Variants in LRRC69 observed in about 807,000 individuals in gnomAD.
LRRC69 encodes the protein leucine rich repeat containing 69.
Under a neutral mutation model 37.8 loss-of-function variants are expected in LRRC69, and 42 were observed. That is an observed-to-expected ratio of 1.11 (90% CI 0.87 to 1.44). LRRC69 has a LOEUF of 1.44. LRRC69 is among the 40% of genes most tolerant of loss of function. LRRC69 has a pLI of 0.00. For synonymous variants in LRRC69, 141 were observed against 143.1 expected, an observed-to-expected ratio of 0.99 and a Z score of 0.11; for missense variants, 357 against 401.9, an observed-to-expected ratio of 0.89 and a Z score of 0.96.
At chr8:91,171,267 C>T (rs969028657) in intron 5 of LRRC69, among the ~76,000 whole-genome samples, 2 of 148,686 alleles carry the variant, frequency 1.3e-5, no homozygotes, top group Non-Finnish European at 3.0e-5. Context: ...CTCTAATAAC[C>T]TCCTCTTACC....
intron 1 of LRRC69, among the ~76,000 whole-genome samples, chr8:91,105,244 G>T (rs1461296297): frequency 1.3e-5 from 2 of 151,378 alleles, no homozygotes; most frequent in African/African-American, 2.4e-5. Flanking sequence ...AGAAATTGTG[G>T]AATTTTGGAA....
intron 5 of LRRC69, among the ~76,000 whole-genome samples, chr8:91,173,026 C>T (rs1809161176): frequency 6.6e-6 from 1 of 151,974 alleles, no homozygotes; most frequent in African/African-American, 2.4e-5. Flanking sequence ...AAGTATAATG[C>T]ATTCTGATTC....
intron 7 of LRRC69, among the ~76,000 whole-genome samples, chr8:91,216,931 C>G (rs1457451696): frequency 6.6e-6 from 1 of 152,072 alleles, no homozygotes; most frequent in Non-Finnish European, 1.5e-5. Flanking sequence ...ATAGTTCACC[C>G]TCCCCGAAAT....
intron 5 of LRRC69, among the ~76,000 whole-genome samples, chr8:91,164,852 A>T (rs1809001458): frequency 6.6e-6 from 1 of 151,672 alleles, no homozygotes; most frequent in South Asian, 2.1e-4. Flanking sequence ...TAAACATATT[A>T]TGCCTGATTA....
chr8:91,195,143 G>A (rs1257263005), intron 6 of LRRC69, among the ~76,000 whole-genome samples: 4 of 152,140 alleles, frequency 2.6e-5, no homozygotes, highest in Admixed American at 2.6e-4. Context: ...TTTCCATGTA[G>A]TTGAGCGGTT....
At chr8:91,102,889 A>G (rs1813245725) in intron 1 of LRRC69, 45 bp downstream of exon 1, 3 of 1,493,374 alleles carry the variant, frequency 2.0e-6, no homozygotes, top group South Asian at 1.3e-5. Flanking sequence ...TTGAAGATGG[A>G]AAACAGGAAG....
chr8:91,157,978 A>G, intron 5 of LRRC69: 2 of 1,382,586 alleles, frequency 1.4e-6, no homozygotes, highest in Non-Finnish European at 2.1e-6. Flanking sequence ...AAGCTGAAGA[A>G]GAACATCTGG....
intron 2 of LRRC69, among the ~76,000 whole-genome samples, chr8:91,126,135 A>C (rs892522418): frequency 2.6e-5 from 4 of 151,988 alleles, no homozygotes; most frequent in African/African-American, 9.7e-5. Flanking sequence ...CAGGGAGTTT[A>C]ATGCTGCCCA....
intron 6 of LRRC69, among the ~76,000 whole-genome samples, chr8:91,196,383 C>T (rs942350853): frequency 4.0e-5 from 6 of 151,762 alleles, no homozygotes; most frequent in East Asian, 1.9e-4. Flanking sequence ...TGAATCTGAA[C>T]GTTGGCCTGC....
At position 91,103,938 on chromosome 8, in the gene LRRC69, G is replaced by A. The variant is rs553987628; in HGVS notation, c.183+1094G>A. On this transcript the variant is annotated intron_variant, in intron 1 of 7. Coordinates refer to ENST00000448384, the Ensembl canonical transcript of LRRC69. Reference sequence around the variant, plus strand: ...AAAGTAGTACTAACCATTGGTTACCGAGAATTAAATATTACAAAAAGCTTA... The same window carrying A: ...AAAGTAGTACTAACCATTGGTTACCAAGAATTAAATATTACAAAAAGCTTA... 2.0e-5 allele frequency among the ~76,000 whole-genome samples: 3 copies of A among 151,648 alleles called. No individual in the cohort carries two copies. The South Asian group carries it at 6.3e-4, about 32-fold the overall frequency.
chr8:91,145,329 C>T (rs952141964), intron 5 of LRRC69, among the ~76,000 whole-genome samples: 1 of 151,900 alleles, frequency 6.6e-6, no homozygotes, highest in African/African-American at 2.4e-5. Flanking sequence ...TTGGAACTAT[C>T]CACTTTGCTC....
chr8:91,208,052 C>G (rs1283619301), intron 7 of LRRC69, among the ~76,000 whole-genome samples: 1 of 152,162 alleles, frequency 6.6e-6, no homozygotes, highest in Non-Finnish European at 1.5e-5. Context: ...CAAATTTCCT[C>G]TTCTCATAAG....
intron 2 of LRRC69, among the ~76,000 whole-genome samples, chr8:91,126,742 A>G (rs974630385): frequency 3.9e-5 from 6 of 152,062 alleles, no homozygotes; most frequent in Non-Finnish European, 5.9e-5. Context: ...GTAAGATATT[A>G]TAAATACGAA....
intron 5 of LRRC69, among the ~76,000 whole-genome samples, chr8:91,165,295 A>G (rs1809009164): frequency 6.6e-6 from 1 of 151,670 alleles, no homozygotes; most frequent in Admixed American, 6.6e-5. Flanking sequence ...CAGAGCTGAA[A>G]GTCAAGGAAA....
chr8:91,145,261 G>T (rs986691364), intron 5 of LRRC69, among the ~76,000 whole-genome samples: 3 of 151,886 alleles, frequency 2.0e-5, no homozygotes, highest in Admixed American at 1.3e-4. Flanking sequence ...CACAGGGAAA[G>T]GTCCATAAAG....
At chr8:91,141,085 G>A (rs1563602124) in intron 5 of LRRC69, among the ~76,000 whole-genome samples, 1 of 152,048 alleles carries the variant, frequency 6.6e-6, no homozygotes, top group Non-Finnish European at 1.5e-5. Context: ...GAACAAGGAT[G>A]ATCTGAAATA....
chr8:91,119,977 C>T (rs1813589661), intron 1 of LRRC69, among the ~76,000 whole-genome samples: 1 of 151,796 alleles, frequency 6.6e-6, no homozygotes, highest in African/African-American at 2.4e-5. Flanking sequence ...GTTTCTAATC[C>T]CTACAGGGTT....
intron 3 of LRRC69, among the ~76,000 whole-genome samples, chr8:91,127,619 A>G (rs1813742500): frequency 1.3e-5 from 2 of 150,280 alleles, no homozygotes; most frequent in African/African-American, 2.4e-5. Context: ...AAAAAAAAAA[A>G]AAAAAAAAAA....
chr8:91,169,442 G>A (rs904029695), intron 5 of LRRC69, among the ~76,000 whole-genome samples: 1 of 151,794 alleles, frequency 6.6e-6, no homozygotes, highest in Non-Finnish European at 1.5e-5. Flanking sequence ...TTTTGGTATA[G>A]AAATTTCAAT....
Sources: gnomAD v4.1 joint callset for allele counts (sites outside exome capture counted in the v4.1 genomes callset) on GRCh38, gnomAD v4.1.1 for gene constraint, MANE v1.5 for transcripts, NCBI Gene and HGNC (gene_info 2026-07-23, HGNC 2026-07-21) for gene names.